Variants in IL1RAPL1 observed in about 807,000 individuals in gnomAD.
The protein encoded by IL1RAPL1 is interleukin 1 receptor accessory protein like 1.
A neutral mutation model predicts 48.4 loss-of-function variants in IL1RAPL1; 3 were observed. That is an observed-to-expected ratio of 0.06 (90% CI 0.03 to 0.16). The LOEUF is 0.16. IL1RAPL1 is among the 10% of genes least tolerant of loss of function. IL1RAPL1 has a pLI of 1.00. For synonymous variants in IL1RAPL1, 185 were observed against 187.7 expected (o/e 0.99, Z 0.12); for missense variants, 349 against 530.6 (o/e 0.66, Z 3.36).
chrX:29,030,732 A>G, intron 2 of IL1RAPL1, among the ~76,000 whole-genome samples: 1 of 111,369 alleles, frequency 9.0e-6, no homozygotes, highest in Non-Finnish European at 1.9e-5. Context: ...TGATAGTTCT[A>G]TTGAGATCTA....
intron 5 of IL1RAPL1, among the ~76,000 whole-genome samples, chrX:29,435,704 A>C (rs1390262023): frequency 9.0e-6 from 1 of 110,912 alleles, no homozygotes. Flanking sequence ...TCTCTATTAC[A>C]TTTACGAAAG....
chrX:29,146,112 A>G (rs888731558), intron 2 of IL1RAPL1, among the ~76,000 whole-genome samples: 5 of 111,841 alleles, frequency 4.5e-5, no homozygotes, highest in Non-Finnish European at 7.5e-5. Context: ...CAAAATTACA[A>G]GGGTCCGTAA....
chrX:29,713,236 A>G (rs1927399224), intron 6 of IL1RAPL1, among the ~76,000 whole-genome samples: 1 of 112,076 alleles, frequency 8.9e-6, no homozygotes, highest in African/African-American at 3.2e-5. Flanking sequence ...TTTGATACAT[A>G]TAAAGTTTAG....
intron 3 of IL1RAPL1, among the ~76,000 whole-genome samples, chrX:29,368,508 A>T (rs1933497212): frequency 9.1e-6 from 1 of 110,376 alleles, no homozygotes; most frequent in African/African-American, 3.3e-5. Flanking sequence ...AAGGCTGTGG[A>T]GTAGCTGGGA....
chrX:29,135,908 T>TG (rs949239745), intron 2 of IL1RAPL1, among the ~76,000 whole-genome samples: 4 of 109,508 alleles, frequency 3.7e-5, no homozygotes, highest in Non-Finnish European at 3.8e-5. Flanking sequence ...GGCTAATTTT[T>TG]GTATTTTTAG....
chrX:29,945,896 A>G (rs1373989444), intron 9 of IL1RAPL1, among the ~76,000 whole-genome samples: 1 of 111,122 alleles, frequency 9.0e-6, no homozygotes, highest in Admixed American at 9.6e-5. Context: ...GTTCCCCTCT[A>G]TATAACCTTA....
intron 5 of IL1RAPL1, among the ~76,000 whole-genome samples, chrX:29,496,434 G>A (rs1228593080): frequency 2.0e-5 from 2 of 102,532 alleles, no homozygotes; most frequent in Non-Finnish European, 3.9e-5. Context: ...TCACTTAAAA[G>A]TGTATGGCAT....
intron 9 of IL1RAPL1, among the ~76,000 whole-genome samples, chrX:29,944,415 C>G (rs1933182650): frequency 9.0e-6 from 1 of 111,711 alleles, no homozygotes; most frequent in South Asian, 3.7e-4. Flanking sequence ...TTATCAGAAC[C>G]ATACAGCAGT....
At chrX:29,041,892 A>G (rs939800065) in intron 2 of IL1RAPL1, among the ~76,000 whole-genome samples, 6 of 111,946 alleles carry the variant, frequency 5.4e-5, no homozygotes, top group Admixed American at 9.5e-5. Context: ...TCGAAAATCA[A>G]TGAGCTGGAA....
chrX:29,031,397 G>A (rs1015364278), intron 2 of IL1RAPL1, among the ~76,000 whole-genome samples: 1 of 111,657 alleles, frequency 9.0e-6, no homozygotes, highest in Non-Finnish European at 1.9e-5. Context: ...TCTTTTGTGG[G>A]TATTCTGTTT....
intron 2 of IL1RAPL1, among the ~76,000 whole-genome samples, chrX:28,932,055 AAAATAAAT>A (rs774745432): frequency 1.8e-5 from 2 of 109,900 alleles, no homozygotes; most frequent in Non-Finnish European, 3.8e-5. Context: ...AAAAAAATAA[AAAATAAAT>A]AAATAAATAA....
chrX:29,802,755 A>T (rs1190730684), intron 6 of IL1RAPL1, among the ~76,000 whole-genome samples: 3 of 19,739 alleles, frequency 1.5e-4, no homozygotes, highest in Non-Finnish European at 1.6e-4. Context: ...AATTATATAT[A>T]TATATATATA....
chrX:28,798,603 C>T (rs1215883463), intron 2 of IL1RAPL1, among the ~76,000 whole-genome samples: 2 of 112,179 alleles, frequency 1.8e-5, no homozygotes, highest in African/African-American at 6.5e-5. Context: ...AGGCAGTAGA[C>T]ATCTTTCTAG....
intron 3 of IL1RAPL1, among the ~76,000 whole-genome samples, chrX:29,328,173 A>G (rs1932854641): frequency 8.9e-6 from 1 of 111,885 alleles, no homozygotes; most frequent in African/African-American, 3.2e-5. Flanking sequence ...GTAATCTACT[A>G]TATATGGAGA....
At chrX:29,133,288 C>G (rs1339386421) in intron 2 of IL1RAPL1, among the ~76,000 whole-genome samples, 1 of 111,727 alleles carries the variant, frequency 9.0e-6, no homozygotes, top group East Asian at 2.8e-4. Context: ...GACACACCCT[C>G]AACTGCAATT....
At chrX:29,896,934 C>T (rs772379800) in intron 6 of IL1RAPL1, among the ~76,000 whole-genome samples, 2 of 112,754 alleles carry the variant, frequency 1.8e-5, no homozygotes, top group African/African-American at 3.2e-5. Context: ...AAGAATTTAT[C>T]GTGTAGCCTA....
At position 28,852,877 on chromosome X, in the gene IL1RAPL1, C is replaced by CTTT. The variant is rs59748304; in HGVS notation, c.82+63461_82+63463dup. On this transcript the variant is annotated intron_variant, in intron 2 of 10. Coordinates refer to ENST00000378993, the MANE Select transcript of IL1RAPL1 (RefSeq NM_014271.4). ...AGTTCCTTAATCTCTTTGTGCTTTC[C>CTTT]TTTTTTTTTTTACTTCTAAAAAGTG... Among the ~76,000 whole-genome samples the CTTT allele has an allele frequency of 5.6e-4, 58 of 103,504 alleles. 2 individuals carry two copies. Among genetic ancestry groups the CTTT allele is most frequent in the Admixed American group, 2.0e-3 (19 of 9,517 alleles). 89.9% of individuals were successfully genotyped at this position (103,504 alleles called of 115,157 possible). A position where few individuals can be genotyped will look rare whatever the true frequency, so the allele number is the denominator to read the frequency against.
chrX:28,649,393 G>A (rs1400194698), intron 1 of IL1RAPL1, among the ~76,000 whole-genome samples: 1 of 111,894 alleles, frequency 8.9e-6, no homozygotes, highest in Non-Finnish European at 1.9e-5. Flanking sequence ...CAGAAAACGA[G>A]AACAAAATGA....
At chrX:29,342,256 T>C (rs1377631643) in intron 3 of IL1RAPL1, among the ~76,000 whole-genome samples, 1 of 111,295 alleles carries the variant, frequency 9.0e-6, no homozygotes, top group Admixed American at 9.7e-5. Context: ...CCAGAATAAG[T>C]CATTCATTTG....
Sources: allele counts gnomAD v4.1 joint callset (sites outside exome capture counted in the v4.1 genomes callset), GRCh38; gene constraint gnomAD v4.1.1; transcripts MANE v1.5; gene names NCBI Gene and HGNC (gene_info 2026-07-23, HGNC 2026-07-21).